Variants in GTF2I observed in about 807,000 individuals in gnomAD.
GTF2I encodes the protein general transcription factor IIi.
A neutral mutation model predicts 67.6 loss-of-function variants in GTF2I; 12 were observed. The observed-to-expected ratio is 0.18, with a 90% CI of 0.11 to 0.29. The LOEUF (loss-of-function observed/expected upper bound fraction) is 0.29. Among genes scored for constraint, GTF2I ranks in the 10% least tolerant of loss-of-function variants. The pLI, the probability that GTF2I is intolerant of heterozygous loss-of-function variation, is 1.00. For missense variants in GTF2I, 271 were observed against 580.1 expected (o/e 0.47, Z 5.47); for synonymous variants, 149 against 197.0 (o/e 0.76, Z 2.04).
chr7:74,726,462 A>T (rs1337024063), intron 12 of GTF2I: 1 of 152,122 alleles, frequency 6.6e-6, no homozygotes. Context: ...TAATCTATTT[A>T]TAGGGTGTCT....
intron 3 of GTF2I, among the ~76,000 whole-genome samples, chr7:74,696,579 A>T (rs1584168487): frequency 6.8e-6 from 1 of 146,394 alleles, no homozygotes; most frequent in African/African-American, 2.5e-5. Context: ...TGCAAGCTTC[A>T]CCTCCCGGGT....
intron 3 of GTF2I, among the ~76,000 whole-genome samples, chr7:74,698,247 G>A (rs587645069): frequency 4.0e-4 from 61 of 151,684 alleles, no homozygotes; most frequent in African/African-American, 1.4e-3. Context: ...GAGCCACCGC[G>A]CCCGGCCTAA....
chr7:74,732,229 C>T (rs1794565801), intron 14 of GTF2I, among the ~76,000 whole-genome samples: 1 of 150,712 alleles, frequency 6.6e-6, no homozygotes, highest in Admixed American at 6.6e-5. Flanking sequence ...AAAAAATTAG[C>T]TGGGCGTGGT....
intron 1 of GTF2I, among the ~76,000 whole-genome samples, chr7:74,663,410 C>T (rs782726972): frequency 1.3e-5 from 2 of 152,034 alleles, no homozygotes; most frequent in East Asian, 3.9e-4. Context: ...CTTAGCCTCA[C>T]GAGTAGCTGG....
chr7:74,695,656 C>T (rs1048496198), intron 3 of GTF2I, among the ~76,000 whole-genome samples: 3 of 151,852 alleles, frequency 2.0e-5, no homozygotes, highest in Admixed American at 6.6e-5. Flanking sequence ...TGTATTCCTC[C>T]CCCTGTCCCT....
At chr7:74,679,494 C>T (rs1178939138) in intron 1 of GTF2I, among the ~76,000 whole-genome samples, 1 of 152,174 alleles carries the variant, frequency 6.6e-6, no homozygotes, top group Admixed American at 6.5e-5. Context: ...TTATACTTTG[C>T]TTCAGTCAGT....
intron 1 of GTF2I, among the ~76,000 whole-genome samples, chr7:74,666,015 T>G (rs1224739696): frequency 6.6e-6 from 1 of 151,984 alleles, no homozygotes; most frequent in African/African-American, 2.4e-5. Flanking sequence ...AATTTTTGTA[T>G]TTTTTAGTAG....
intron 1 of GTF2I, among the ~76,000 whole-genome samples, chr7:74,685,766 TAAAAA>T (rs1222422722): frequency 1.3e-5 from 2 of 148,330 alleles, no homozygotes; most frequent in African/African-American, 2.5e-5. Flanking sequence ...GACTCCGTCT[TAAAAA>T]AAGAAAAAAA....
chr7:74,723,181 T>C (rs2131468010), intron 12 of GTF2I, among the ~76,000 whole-genome samples: 1 of 148,482 alleles, frequency 6.7e-6, no homozygotes, highest in Admixed American at 6.9e-5. Context: ...TGGAGTGCAG[T>C]GGCGCAATCT....
intron 11 of GTF2I, 32 bp downstream of exon 11, chr7:74,716,982 C>T: frequency 1.3e-6 from 2 of 1,569,572 alleles, no homozygotes; most frequent in Non-Finnish European, 1.8e-6. Context: ...ATATTTTCCA[C>T]TATTTGTTGT....
intron 15 of GTF2I, 84 bp downstream of exon 15, chr7:74,732,746 A>G: frequency 6.5e-7 from 1 of 1,534,494 alleles, no homozygotes. Flanking sequence ...TTCATTCACC[A>G]CTAGGTTCTA....
rs144205269 is a variant in GTF2I at position 74,676,610 on chromosome 7, A to G, written c.-5-12514A>G. 1.0e-3 allele frequency among the ~76,000 whole-genome samples: 157 copies of G among 152,334 alleles called. 1 individual carries two copies. The highest frequency in any genetic ancestry group is 3.5e-3 in the African/African-American group (146 of 41,574). On this transcript the variant is annotated intron_variant, in intron 1 of 34. Coordinates refer to ENST00000573035, the MANE Select transcript of GTF2I (RefSeq NM_032999.4). ...AAAAAAAAATTAAATAGAAAACATT[A>G]AGATATTTACAAAGTCTGTGTTTAC...
intron 1 of GTF2I, among the ~76,000 whole-genome samples, chr7:74,659,493 C>T (rs182142417): frequency 6.6e-6 from 1 of 151,710 alleles, no homozygotes; most frequent in East Asian, 1.9e-4. Context: ...GGGTTCAAGC[C>T]GTTCTCCTGC....
At chr7:74,680,586 CA>C (rs1357831731) in intron 1 of GTF2I, among the ~76,000 whole-genome samples, 2 of 151,844 alleles carry the variant, frequency 1.3e-5, no homozygotes, top group Admixed American at 6.6e-5. Context: ...ACTAAAAATA[CA>C]AAAAATTAGC....
intron 1 of GTF2I, among the ~76,000 whole-genome samples, chr7:74,684,261 CTTATT>C (rs1267814267): frequency 3.3e-5 from 5 of 152,186 alleles, no homozygotes; most frequent in Admixed American, 6.5e-5. Context: ...TCCAACCCTT[CTTATT>C]TTAAGTTGAG....
At chr7:74,670,323 A>C (rs1805341476) in intron 1 of GTF2I, among the ~76,000 whole-genome samples, 1 of 152,222 alleles carries the variant, frequency 6.6e-6, no homozygotes, top group Non-Finnish European at 1.5e-5. Context: ...ACTTGAATTC[A>C]GAACTTTTGC....
chr7:74,705,143 AT>A lies in GTF2I; in HGVS notation c.587-9del, dbSNP rs372478911. 0.057 allele frequency: 62,135 copies of A among 1,093,626 alleles called. No individual in the cohort carries two copies. Among genetic ancestry groups the A allele is most frequent in the Non-Finnish European group, 0.063 (48,974 of 779,850 alleles). The allele number at this position is 1,093,626 out of a possible 1,614,324, so 67.7% of individuals were successfully genotyped here. ...TTGAAATGTTGAAAAACTAACTCCAATTTTTTTTTTTTGTATGTAGGTGGTC... is the reference window on the plus strand; with the variant it reads ...TTGAAATGTTGAAAAACTAACTCCAATTTTTTTTTTTGTATGTAGGTGGTC... On this transcript the variant is annotated intron_variant, in intron 6 of 34. Transcript: ENST00000573035.
At chr7:74,664,897 G>A (rs782221065) in intron 1 of GTF2I, among the ~76,000 whole-genome samples, 35 of 152,146 alleles carry the variant, frequency 2.3e-4, no homozygotes, top group African/African-American at 8.2e-4. Context: ...TTTCCTGCCT[G>A]TGCGACCTTG....
intron 14 of GTF2I, among the ~76,000 whole-genome samples, chr7:74,731,971 C>T (rs1794525322): frequency 6.6e-6 from 1 of 150,930 alleles, no homozygotes; most frequent in African/African-American, 2.4e-5. Context: ...CTTCTCCTGT[C>T]TGAGTCTTAG....
Sources: allele counts gnomAD v4.1 joint callset (sites outside exome capture counted in the v4.1 genomes callset), GRCh38; gene constraint gnomAD v4.1.1; transcripts MANE v1.5; gene names NCBI Gene and HGNC (gene_info 2026-07-23, HGNC 2026-07-21).